The following FAAH2 variants were observed in gnomAD, a reference collection of about 807,000 sequenced individuals.
The protein encoded by FAAH2 is fatty-acid amide hydrolase 2.
A neutral mutation model predicts 36.9 loss-of-function variants in FAAH2; 60 were observed. The observed-to-expected ratio is 1.63, with a 90% CI of 1.32 to 2.02. FAAH2 has a LOEUF of 2.02. Ranked by LOEUF, FAAH2 falls within the 30% of genes most tolerant of loss-of-function variation. The pLI is 0.00. For missense variants in FAAH2, 689 were observed against 397.5 expected (o/e 1.73, Z -6.23); for synonymous variants, 214 against 143.8 (o/e 1.49, Z -3.49).
At position 57,485,989 on chromosome X, in the gene FAAH2, A is replaced by G. The variant is rs2057467264; in HGVS notation, c.1424-2768A>G. On this transcript the variant is annotated intron_variant, in intron 10 of 10. Transcript: ENST00000374900. ...CTCTAGCTGGGGTGAGCTGCTGCCTATAGTTTGAGGTTGAGTGGAATGGTG... is the reference window on the plus strand; with the variant it reads ...CTCTAGCTGGGGTGAGCTGCTGCCTGTAGTTTGAGGTTGAGTGGAATGGTG... Among the ~76,000 whole-genome samples, 6 of 111,444 alleles carry G rather than the reference A, an allele frequency of 5.4e-5. No homozygotes were observed. The South Asian group carries it at 2.3e-3, about 43-fold the overall frequency.
At chrX:57,371,971 G>T (rs949632155) in intron 5 of FAAH2, among the ~76,000 whole-genome samples, 6 of 111,476 alleles carry the variant, frequency 5.4e-5, no homozygotes, top group African/African-American at 2.0e-4. Flanking sequence ...TGCTGCAAAG[G>T]TCATGATTTT....
chrX:57,451,289 C>T (rs746850791), intron 10 of FAAH2, among the ~76,000 whole-genome samples: 36 of 111,632 alleles, frequency 3.2e-4, no homozygotes, highest in African/African-American at 1.0e-3. Context: ...TAACTCTCTT[C>T]CCTTGTTCTT....
At chrX:57,227,208 G>A in the FAAH2 span, among the ~76,000 whole-genome samples, 23 of 110,686 alleles carry the variant, frequency 2.1e-4, no homozygotes, top group Non-Finnish European at 3.8e-4. Flanking sequence ...TCGGGTCGGG[G>A]GGTGTTGAGG....
At chrX:57,137,175 C>T in the FAAH2 span, 1 of 761,103 alleles carries the variant, frequency 1.3e-6, no homozygotes, top group Non-Finnish European at 1.6e-6. Flanking sequence ...CCATCCCCCT[C>T]TCCATTCTGG....
At chrX:57,289,793 T>C (rs2051922771) in intron 1 of FAAH2, among the ~76,000 whole-genome samples, 1 of 110,898 alleles carries the variant, frequency 9.0e-6, no homozygotes, top group Non-Finnish European at 1.9e-5. Flanking sequence ...ACAATGAATA[T>C]AATATGATTC....
At chrX:57,398,663 A>G (rs2055360960) in intron 7 of FAAH2, among the ~76,000 whole-genome samples, 1 of 110,482 alleles carries the variant, frequency 9.1e-6, no homozygotes, top group Non-Finnish European at 1.9e-5. Context: ...TTATATCCCG[A>G]TCATTGTCCC....
At chrX:57,406,471 C>T (rs1372555282) in intron 7 of FAAH2, among the ~76,000 whole-genome samples, 3 of 111,624 alleles carry the variant, frequency 2.7e-5, no homozygotes, top group Non-Finnish European at 5.6e-5. Flanking sequence ...CTGATGGGGA[C>T]GGTAGAGGGA....
intron 3 of FAAH2, among the ~76,000 whole-genome samples, chrX:57,323,985 A>C (rs1174424494): frequency 1.8e-5 from 2 of 111,577 alleles, no homozygotes; most frequent in Non-Finnish European, 3.8e-5. Flanking sequence ...TCTAACATTT[A>C]AGTCTTTAAT....
intron 5 of FAAH2, among the ~76,000 whole-genome samples, chrX:57,353,254 G>A (rs1280944412): frequency 9.1e-6 from 1 of 109,580 alleles, no homozygotes; most frequent in Non-Finnish European, 1.9e-5. Context: ...CAGATGCATA[G>A]GTCAATGGTA....
At chrX:57,179,222 G>A in the FAAH2 span, among the ~76,000 whole-genome samples, 1 of 111,262 alleles carries the variant, frequency 9.0e-6, no homozygotes, top group Non-Finnish European at 1.9e-5. Flanking sequence ...AAAAATGTCT[G>A]GATAAAACCA....
chrX:57,465,339 T>C (rs1398030399), intron 10 of FAAH2, among the ~76,000 whole-genome samples: 2 of 111,076 alleles, frequency 1.8e-5, no homozygotes, highest in Non-Finnish European at 3.8e-5. Flanking sequence ...TCAAAAAAAG[T>C]TTGAGGACAT....
chrX:57,332,327 T>G lies in FAAH2; in HGVS notation c.622+520T>G, dbSNP rs780716310. On this transcript the variant is annotated intron_variant, in intron 4 of 10. Transcript: ENST00000374900. ...AGACTTGTAAGGTTACTGTGATGATTAAAAATTTAAGTGTGACTTCAGGTT... is the reference window on the plus strand; with the variant it reads ...AGACTTGTAAGGTTACTGTGATGATGAAAAATTTAAGTGTGACTTCAGGTT... Among the ~76,000 whole-genome samples, 3 of 112,523 alleles carry G rather than the reference T, an allele frequency of 2.7e-5. No homozygotes were observed. In the South Asian group the frequency reaches 1.1e-3, roughly 41 times the overall value.
the FAAH2 span, among the ~76,000 whole-genome samples, chrX:57,208,683 A>G: frequency 2.1e-3 from 240 of 111,777 alleles, no homozygotes; most frequent in Non-Finnish European, 3.7e-3. Flanking sequence ...ACAGAGACTT[A>G]CCCACATATT....
the FAAH2 span, among the ~76,000 whole-genome samples, chrX:57,235,058 C>A: frequency 9.0e-6 from 1 of 110,558 alleles, no homozygotes; most frequent in South Asian, 3.9e-4. Context: ...GGACTGGGGG[C>A]CCTTGCTGTA....
intron 7 of FAAH2, among the ~76,000 whole-genome samples, chrX:57,401,557 T>C (rs1033454874): frequency 9.0e-6 from 1 of 111,463 alleles, no homozygotes; most frequent in East Asian, 2.8e-4. Context: ...CCGTTGGGTT[T>C]CTGTACTCCT....
intron 3 of FAAH2, among the ~76,000 whole-genome samples, chrX:57,318,850 A>G (rs918726120): frequency 8.9e-6 from 1 of 112,053 alleles, no homozygotes; most frequent in Non-Finnish European, 1.9e-5. Context: ...TCCTTGGGAT[A>G]CAAGGCTGAT....
chrX:57,199,046 C>A, the FAAH2 span, among the ~76,000 whole-genome samples: 1 of 109,470 alleles, frequency 9.1e-6, no homozygotes, highest in African/African-American at 3.3e-5. Context: ...GTTCTTGGAG[C>A]AAAAGTTCAG....
the FAAH2 span, among the ~76,000 whole-genome samples, chrX:57,182,045 G>A: frequency 9.0e-6 from 1 of 111,727 alleles, no homozygotes; most frequent in Non-Finnish European, 1.9e-5. Context: ...AATTGAACCT[G>A]GAACCCTTCC....
chrX:57,192,310 C>G, the FAAH2 span, among the ~76,000 whole-genome samples: 1 of 111,242 alleles, frequency 9.0e-6, no homozygotes, highest in Non-Finnish European at 1.9e-5. Context: ...GATTTTGTAT[C>G]CTGCAACTAA....
Sources: gnomAD v4.1 joint callset for allele counts (sites outside exome capture counted in the v4.1 genomes callset) on GRCh38, gnomAD v4.1.1 for gene constraint, MANE v1.5 for transcripts, NCBI Gene and HGNC (gene_info 2026-07-23, HGNC 2026-07-21) for gene names.